Variants in SFMBT2 observed in about 807,000 individuals in gnomAD.
The protein encoded by SFMBT2 is Scm like with four mbt domains 2, also known as scm-like with four MBT domains protein 2.
Under a neutral mutation model 110.1 loss-of-function variants are expected in SFMBT2, and 38 were observed. That is an observed-to-expected ratio of 0.35 (90% CI 0.27 to 0.45). SFMBT2 has a LOEUF of 0.45. Ranked by LOEUF, SFMBT2 falls within the 20% of genes least tolerant of loss-of-function variation. SFMBT2 has a pLI of 1.00. For synonymous variants in SFMBT2, 425 were observed against 425.4 expected (o/e 1.00, Z 0.01); for missense variants, 1,011 against 1,094.9 (o/e 0.92, Z 1.08).
At chr10:7,305,236 G>C (rs184964280) in intron 4 of SFMBT2, among the ~76,000 whole-genome samples, 26 of 152,262 alleles carry the variant, frequency 1.7e-4, no homozygotes, top group African/African-American at 5.8e-4. Context: ...TTCTTTCCAC[G>C]TGCAAAGTAC....
At chr10:7,336,468 A>C (rs1843719112) in intron 4 of SFMBT2, among the ~76,000 whole-genome samples, 1 of 152,250 alleles carries the variant, frequency 6.6e-6, no homozygotes, top group African/African-American at 2.4e-5. Context: ...AGAAGAATGA[A>C]GAATCACTGG....
At chr10:7,165,699 A>G (rs1837677085) in intron 20 of SFMBT2, among the ~76,000 whole-genome samples, 1 of 152,238 alleles carries the variant, frequency 6.6e-6, no homozygotes, top group Non-Finnish European at 1.5e-5. Flanking sequence ...AAGTAAACAG[A>G]TCTGTCTTGT....
At chr10:7,313,682 C>T (rs143293680) in intron 4 of SFMBT2, among the ~76,000 whole-genome samples, 77 of 152,174 alleles carry the variant, frequency 5.1e-4, no homozygotes, top group Non-Finnish European at 8.2e-4. Context: ...GGGGGTCTCA[C>T]TTTGTTGCCC....
intron 12 of SFMBT2, chr10:7,203,020 T>C (rs983910858): frequency 1.0e-6 from 1 of 985,318 alleles, no homozygotes; most frequent in African/African-American, 1.7e-5. Flanking sequence ...AATATTGACA[T>C]AAATGAGCAA....
chr10:7,196,726 T>C (rs1471481636), intron 15 of SFMBT2, among the ~76,000 whole-genome samples: 1 of 152,222 alleles, frequency 6.6e-6, no homozygotes, highest in Non-Finnish European at 1.5e-5. Flanking sequence ...CATGGTACGG[T>C]GGCAATAGAG....
chr10:7,218,560 G>C (rs939313703), intron 11 of SFMBT2, among the ~76,000 whole-genome samples: 2 of 152,162 alleles, frequency 1.3e-5, no homozygotes, highest in African/African-American at 2.4e-5. Flanking sequence ...TGGAAAAATG[G>C]TCAATGTATA....
chr10:7,354,088 A>C (rs1844418690), intron 4 of SFMBT2, among the ~76,000 whole-genome samples: 1 of 126,392 alleles, frequency 7.9e-6, no homozygotes, highest in Non-Finnish European at 1.6e-5. Flanking sequence ...CTCCCTCTCC[A>C]AAAAAAAAAA....
chr10:7,281,062 G>A (rs1353801297), intron 6 of SFMBT2, among the ~76,000 whole-genome samples: 1 of 152,116 alleles, frequency 6.6e-6, no homozygotes, highest in Non-Finnish European at 1.5e-5. Context: ...GCAACATAGT[G>A]AGATCCCATC....
At chr10:7,173,900 T>C (rs1837965779) in intron 17 of SFMBT2, among the ~76,000 whole-genome samples, 1 of 152,218 alleles carries the variant, frequency 6.6e-6, no homozygotes, top group African/African-American at 2.4e-5. Flanking sequence ...TCGTGGGCTT[T>C]GTCCTACAGG....
At position 7,243,698 on chromosome 10, in the gene SFMBT2, T is replaced by C. The variant is rs1840513719; in HGVS notation, c.980A>G (p.Asn327Ser). 3 of 871,880 alleles carry C rather than the reference T, an allele frequency of 3.4e-6. No homozygotes were observed. The highest frequency in any genetic ancestry group is 2.4e-5 in the East Asian group (1 of 41,700). The allele number at this position is 871,880 out of a possible 1,614,324, so 54.0% of individuals were successfully genotyped here. ...ISPASVTKVF[N>S]NHFFQVTIDD... ...AATAGTCACTTGAAAAAAGTGATTG[T>C]TAAAAACCTAAAAGAAAAAAAATGG... Residue 327 changes from asparagine to serine, a missense_variant, in exon 9 of 21, where the codon AAC (asparagine) becomes AGC (serine). Asn to Ser is a conservative substitution (Grantham distance 46). Around this residue, in one of 2 missense-constraint regions of SFMBT2, gnomAD observed 979 missense variants for 1,016.1 expected, o/e 0.96. Coordinates refer to ENST00000397167, the MANE Select transcript of SFMBT2 (RefSeq NM_001387889.1).
At chr10:7,179,391 G>GAAAAAAAAAAA (rs57497418) in intron 16 of SFMBT2, among the ~76,000 whole-genome samples, 65 of 70,300 alleles carry the variant, frequency 9.2e-4, no homozygotes, top group Non-Finnish European at 1.0e-3. Flanking sequence ...TTGCATTTTC[G>GAAAAAAAAAAA]AAAAAAAAAA....
At chr10:7,215,513 G>A (rs1839505061) in intron 11 of SFMBT2, 12 of 980,382 alleles carry the variant, frequency 1.2e-5, no homozygotes, top group Non-Finnish European at 1.5e-5. Flanking sequence ...TGAGGCAGGG[G>A]TTGTTTTATC....
rs1048797654 is a variant in SFMBT2, at chr10:7,197,973, G to A, written c.1559-286C>T. 8 of 984,672 alleles carry A rather than the reference G, an allele frequency of 8.1e-6. No individual in the cohort carries two copies. The East Asian group carries it at 4.5e-4, about 56-fold the overall frequency. The allele number at this position is 984,672 out of a possible 1,614,324, so 61.0% of individuals were successfully genotyped here. A position where few individuals can be genotyped will look rare whatever the true frequency, so the allele number is the denominator to read the frequency against. On this transcript the variant is annotated intron_variant, in intron 14 of 20. Coordinates refer to ENST00000397167, the MANE Select transcript of SFMBT2 (RefSeq NM_001387889.1). ...GATGATTTTCTTCTTTTGAGAAAGA[G>A]GCGCTGTGTCCTAATAGCAGGACAT...
intron 4 of SFMBT2, among the ~76,000 whole-genome samples, chr10:7,326,620 C>A (rs1843391789): frequency 6.6e-6 from 1 of 152,232 alleles, no homozygotes; most frequent in Non-Finnish European, 1.5e-5. Context: ...TAGCCATTTA[C>A]ATTGTCTCAA....
chr10:7,319,064 C>A (rs773465386), intron 4 of SFMBT2, among the ~76,000 whole-genome samples: 1 of 152,188 alleles, frequency 6.6e-6, no homozygotes, highest in African/African-American at 2.4e-5. Flanking sequence ...GTCAGAGACA[C>A]GGAGGCAGAG....
chr10:7,326,589 CA>C (rs1236840627), intron 4 of SFMBT2, among the ~76,000 whole-genome samples: 3 of 152,238 alleles, frequency 2.0e-5, no homozygotes, highest in Non-Finnish European at 4.4e-5. Context: ...TAAAGATTAT[CA>C]GTAATACAAA....
intron 7 of SFMBT2, among the ~76,000 whole-genome samples, chr10:7,251,932 A>G (rs2762580): frequency 0.78 from 119,126 of 152,028 alleles, 48,198 homozygotes; most frequent in East Asian, 0.92. Context: ...TCTGCTCTAG[A>G]GGCATCCTGA....
Position 7,176,612 on chromosome 10 carries a change from A to C in SFMBT2, c.1809-447T>G, listed in dbSNP as rs369171250. Reference sequence around the variant, plus strand: ...AACCATGCAAATTCAGAACACTGAAAGGATATCTTTGTCAAGACTGTGTAT... The same window carrying C: ...AACCATGCAAATTCAGAACACTGAACGGATATCTTTGTCAAGACTGTGTAT... On this transcript the variant is annotated intron_variant, in intron 16 of 20. Transcript: ENST00000397167. 16 of 501,222 alleles carry C rather than the reference A, an allele frequency of 3.2e-5. No homozygotes were observed. In the East Asian group the frequency reaches 2.0e-3, roughly 62 times the overall value. The allele number at this position is 501,222 out of a possible 1,614,324, so 31.0% of individuals were successfully genotyped here. A position where few individuals can be genotyped will look rare whatever the true frequency, so the allele number is the denominator to read the frequency against.
intron 11 of SFMBT2, among the ~76,000 whole-genome samples, chr10:7,214,049 G>A (rs1206807215): frequency 3.2e-5 from 3 of 92,718 alleles, no homozygotes; most frequent in Admixed American, 1.0e-4. Context: ...AGAAGATGGA[G>A]GAGACAGAGG....
Sources: gnomAD v4.1 joint callset for allele counts (sites outside exome capture counted in the v4.1 genomes callset) on GRCh38, gnomAD v4.1.1 for gene constraint, gnomAD v4.1.1 regional missense constraint, MANE v1.5 for transcripts, NCBI Gene and HGNC (gene_info 2026-07-23, HGNC 2026-07-21) for gene names.